AP3B1: variants seen among roughly 807,000 people sequenced by gnomAD.
The protein encoded by AP3B1 is adaptor related protein complex 3 subunit beta 1, also known as AP-3 complex subunit beta-1.
Under a neutral mutation model 132.5 loss-of-function variants are expected in AP3B1, and 61 were observed. The observed-to-expected ratio is 0.46, with a 90% CI of 0.37 to 0.57. The LOEUF (loss-of-function observed/expected upper bound fraction) is 0.57. Among genes scored for constraint, AP3B1 ranks in the 20% least tolerant of loss-of-function variants. The probability of loss-of-function intolerance (pLI) is 0.00; values close to 1 mark genes in which losing one functional copy is unlikely to be tolerated. For synonymous variants in AP3B1, 388 were observed against 438.3 expected, an observed-to-expected ratio of 0.89 and a Z score of 1.43; for missense variants, 1,120 against 1,289.4, an observed-to-expected ratio of 0.87 and a Z score of 2.01.
At chr5:78,056,650 T>C (rs1219006711) in intron 22 of AP3B1, among the ~76,000 whole-genome samples, 1 of 152,230 alleles carries the variant, frequency 6.6e-6, no homozygotes, top group Non-Finnish European at 1.5e-5. Flanking sequence ...AAGAGAACTG[T>C]TCTCTAAAAG....
chr5:78,182,021 G>A (rs547689463), intron 7 of AP3B1, among the ~76,000 whole-genome samples: 1 of 152,170 alleles, frequency 6.6e-6, no homozygotes, highest in South Asian at 2.1e-4. Flanking sequence ...TCCATAAATT[G>A]TCAGCCACTC....
At chr5:78,231,650 T>C (rs1746658081) in intron 3 of AP3B1, among the ~76,000 whole-genome samples, 1 of 152,118 alleles carries the variant, frequency 6.6e-6, no homozygotes, top group African/African-American at 2.4e-5. Context: ...CAGAAAACAC[T>C]ACCCATCGTA....
intron 8 of AP3B1, among the ~76,000 whole-genome samples, chr5:78,181,005 A>C (rs1267393371): frequency 6.6e-6 from 1 of 152,078 alleles, no homozygotes; most frequent in Non-Finnish European, 1.5e-5. Flanking sequence ...ATTTACATTT[A>C]TAATATGTGA....
chr5:78,102,489 T>G (rs1396991159), intron 20 of AP3B1, among the ~76,000 whole-genome samples: 1 of 152,026 alleles, frequency 6.6e-6, no homozygotes, highest in Non-Finnish European at 1.5e-5. Context: ...TATTTGTCCC[T>G]CTCTCCATTT....
intron 8 of AP3B1, 46 bp from the exon 9 acceptor site, chr5:78,177,482 A>C (rs1030541157): frequency 2.2e-6 from 3 of 1,345,952 alleles, no homozygotes; most frequent in South Asian, 1.2e-5. Context: ...ACACTAGAGC[A>C]CTCTACAACC....
At chr5:78,138,217 G>A (rs1284100905) in intron 15 of AP3B1, among the ~76,000 whole-genome samples, 1 of 152,166 alleles carries the variant, frequency 6.6e-6, no homozygotes, top group African/African-American at 2.4e-5. Context: ...TGTAATCCCA[G>A]CACTTTGGGA....
chr5:78,097,130 G>A (rs1164626332), intron 21 of AP3B1, among the ~76,000 whole-genome samples: 2 of 120,960 alleles, frequency 1.7e-5, no homozygotes, highest in African/African-American at 7.1e-5. Context: ...CCCCCCACCC[G>A]GCCAGCCGCC....
At chr5:78,259,631 C>T (rs1166509685) in intron 2 of AP3B1, among the ~76,000 whole-genome samples, 1 of 152,018 alleles carries the variant, frequency 6.6e-6, no homozygotes, top group African/African-American at 2.4e-5. Flanking sequence ...TCTCATGTAC[C>T]CCCAAAATAC....
chr5:78,050,080 A>G (rs958549165), intron 22 of AP3B1, among the ~76,000 whole-genome samples: 5 of 152,014 alleles, frequency 3.3e-5, no homozygotes, highest in African/African-American at 1.2e-4. Flanking sequence ...CCTTTTGCAT[A>G]TTAGTAACAG....
chr5:78,291,854 A>G (rs940579854), intron 1 of AP3B1, among the ~76,000 whole-genome samples: 1 of 152,224 alleles, frequency 6.6e-6, no homozygotes, highest in Non-Finnish European at 1.5e-5. Context: ...GAATACATCA[A>G]CACTGTAGTT....
chr5:78,032,489 A>G (rs2112088389), intron 24 of AP3B1, among the ~76,000 whole-genome samples: 1 of 152,308 alleles, frequency 6.6e-6, no homozygotes, highest in South Asian at 2.1e-4. Flanking sequence ...AGTGATTGGC[A>G]TCTAAGACCA....
chr5:78,031,998 G>C (rs1267271793), intron 24 of AP3B1, among the ~76,000 whole-genome samples: 1 of 152,050 alleles, frequency 6.6e-6, no homozygotes, highest in African/African-American at 2.4e-5. Flanking sequence ...CTAACTTTTA[G>C]ACAGATATAT....
intron 24 of AP3B1, 58 bp from the exon 25 acceptor site, chr5:78,020,847 A>C: frequency 1.5e-6 from 2 of 1,364,808 alleles, no homozygotes; most frequent in Non-Finnish European, 2.1e-6. Flanking sequence ...TCTTAATACT[A>C]AGTAGTTAAA....
chr5:78,200,854 C>T (rs929504532), intron 7 of AP3B1, among the ~76,000 whole-genome samples: 1 of 151,938 alleles, frequency 6.6e-6, no homozygotes, highest in Admixed American at 6.6e-5. Flanking sequence ...CCAAACTGTG[C>T]CCCCCAACCC....
intron 2 of AP3B1, among the ~76,000 whole-genome samples, chr5:78,244,402 G>A (rs1561498330): frequency 6.6e-6 from 1 of 151,592 alleles, no homozygotes; most frequent in Non-Finnish European, 1.5e-5. Flanking sequence ...GACAGAGTTT[G>A]AGACTCCAAC....
chr5:78,169,159 C>T (rs906160631), intron 11 of AP3B1, among the ~76,000 whole-genome samples: 2 of 152,100 alleles, frequency 1.3e-5, no homozygotes, highest in African/African-American at 4.8e-5. Flanking sequence ...CTATTTTAAT[C>T]ACTATAGATT....
intron 14 of AP3B1, among the ~76,000 whole-genome samples, chr5:78,153,907 T>G (rs1225320782): frequency 6.6e-6 from 1 of 152,200 alleles, no homozygotes; most frequent in Non-Finnish European, 1.5e-5. Context: ...ACTGTCCATG[T>G]CTTGAAAAGT....
At chr5:78,096,622 C>T (rs1477703554) in intron 21 of AP3B1, among the ~76,000 whole-genome samples, 2 of 151,174 alleles carry the variant, frequency 1.3e-5, no homozygotes, top group Admixed American at 1.3e-4. Context: ...TTTGCCCCGC[C>T]GCCCCATCTG....
At chr5:78,073,011 C>T (rs145369740) in intron 22 of AP3B1, among the ~76,000 whole-genome samples, 1,933 of 152,102 alleles carry the variant, frequency 0.013, 39 homozygotes, top group African/African-American at 0.044. Context: ...TGAGCCACCA[C>T]GCCCAGCCCA....
Sources: allele counts gnomAD v4.1 joint callset (sites outside exome capture counted in the v4.1 genomes callset), GRCh38; gene constraint gnomAD v4.1.1; transcripts MANE v1.5; gene names NCBI Gene and HGNC (gene_info 2026-07-23, HGNC 2026-07-21).